The following GNL3L variants were observed in gnomAD, a reference collection of about 807,000 sequenced individuals.
GNL3L encodes the protein guanine nucleotide-binding protein-like 3-like protein.
GNL3L carries 4 observed loss-of-function variants against 42.9 expected under a neutral mutation model. The observed-to-expected ratio is 0.09, with a 90% confidence interval of 0.05 to 0.21. The LOEUF is 0.21. GNL3L is among the 10% of genes least tolerant of loss of function. The pLI, the probability that GNL3L is intolerant of heterozygous loss-of-function variation, is 1.00. For synonymous variants in GNL3L, 159 were observed against 176.3 expected, an observed-to-expected ratio of 0.90 and a Z score of 0.78; for missense variants, 412 against 481.7, an observed-to-expected ratio of 0.86 and a Z score of 1.36.
chrX:54,570,724 TTAG>T (rs1925532991), downstream of GNL3L, among the ~76,000 whole-genome samples: 1 of 111,329 alleles, frequency 9.0e-6, no homozygotes, highest in Non-Finnish European at 1.9e-5. Flanking sequence ...TTTTATTATC[TTAG>T]TAGTTGCTTT....
rs201728319 is a variant in GNL3L at position 54,541,367 on chromosome X, G to A, written c.284G>A (p.Arg95His). Residue 95 changes from arginine to histidine, a missense_variant, in exon 5 of 16, where the codon CGC becomes CAC. Coordinates refer to ENST00000360845, the MANE Select transcript of GNL3L (RefSeq NM_001184819.2). ...IESYCQDVLR[R>H]QEEFEHKEEV... ...AGCTACTGTCAGGATGTCCTAAGAC[G>A]CCAGGAGGAGTTTGAGCATAAGGTA... The A allele has an allele frequency of 8.4e-6, 10 of 1,188,255 alleles. No homozygotes were observed. Among genetic ancestry groups the A allele is most frequent in the South Asian group, 1.8e-5 (1 of 56,323 alleles).
chrX:54,636,214 G>T, the GNL3L span, among the ~76,000 whole-genome samples: 2 of 111,913 alleles, frequency 1.8e-5, no homozygotes, highest in Non-Finnish European at 3.8e-5. Context: ...ATGCAAATAA[G>T]GTCTGCTCTG....
chrX:54,604,708 G>A (rs1382503619), intron 16 of GNL3L, among the ~76,000 whole-genome samples: 1 of 111,877 alleles, frequency 8.9e-6, no homozygotes, highest in Non-Finnish European at 1.9e-5. Flanking sequence ...CAGCTATATA[G>A]TATGAACAGC....
At chrX:54,584,692 A>G (rs1337275125) in intron 16 of GNL3L, among the ~76,000 whole-genome samples, 2 of 113,003 alleles carry the variant, frequency 1.8e-5, no homozygotes, top group African/African-American at 6.4e-5. Context: ...TTTCCTTTGA[A>G]TGTATACCCA....
intron 16 of GNL3L, among the ~76,000 whole-genome samples, chrX:54,608,949 G>C (rs917823306): frequency 8.9e-6 from 1 of 111,991 alleles, no homozygotes; most frequent in Non-Finnish European, 1.9e-5. Context: ...CATAGTGGCT[G>C]TACTAGTTTA....
chrX:54,536,800 CAGAG>C (rs1301600708), intron 2 of GNL3L, among the ~76,000 whole-genome samples: 3 of 47,652 alleles, frequency 6.3e-5, no homozygotes, highest in East Asian at 5.3e-4. Context: ...AAAAAAAAAA[CAGAG>C]AGAGAGAGGG....
At chrX:54,622,657 C>T (rs2147541997), downstream of GNL3L, among the ~76,000 whole-genome samples, 1 of 110,919 alleles carries the variant, frequency 9.0e-6, no homozygotes, top group African/African-American at 3.3e-5. Flanking sequence ...TATTTTCTTC[C>T]ATTCTGTGAG....
At chrX:54,622,833 A>G (rs1180192636), downstream of GNL3L, among the ~76,000 whole-genome samples, 10 of 111,328 alleles carry the variant, frequency 9.0e-5, no homozygotes, top group Admixed American at 7.6e-4. Flanking sequence ...TATTTTCCTA[A>G]GGGTTTTATG....
Position 54,579,993 on chromosome X carries a change from T to G in GNL3L, c.*45+19346T>G, listed in dbSNP as rs1469221554. The stretch of plus-strand genomic sequence containing the variant: ...GTGCCTGGCCTAAAGTTTGTTTTTT[T>G]TTTTTTTTTTTTTTTTTTTTATACT... On this transcript the variant is annotated intron_variant, in intron 16 of 16. Transcript: ENST00000674498. 3.5e-4 allele frequency among the ~76,000 whole-genome samples: 33 copies of G among 94,595 alleles called. No homozygotes were observed. In the East Asian group the frequency reaches 6.3e-3, roughly 18 times the overall value. 82.1% of individuals were successfully genotyped at this position (94,595 alleles called of 115,157 possible). A position where few individuals can be genotyped will look rare whatever the true frequency, so the allele number is the denominator to read the frequency against.
intron 5 of GNL3L, among the ~76,000 whole-genome samples, chrX:54,542,121 A>T (rs1924640086): frequency 1.8e-5 from 2 of 111,966 alleles, no homozygotes; most frequent in Admixed American, 9.5e-5. Context: ...TTTTACTTTA[A>T]GTTCTAGGGT....
Position 54,541,510 on chromosome X carries a change from T to C in GNL3L, c.306+121T>C. 3 of 423,315 alleles carry C rather than the reference T, an allele frequency of 7.1e-6. No individual in the cohort carries two copies. In the South Asian group the frequency reaches 1.1e-4, roughly 15 times the overall value. The allele number at this position is 423,315 out of a possible 1,213,427, so 34.9% of individuals were successfully genotyped here. On this transcript the variant is annotated intron_variant, in intron 5 of 15. Coordinates refer to ENST00000360845, the MANE Select transcript of GNL3L (RefSeq NM_001184819.2). ...AACAAGGGAATCAGTGTAGAGAGGA[T>C]AGAAAACCATGGGGACGGACGAAGG...
At position 54,607,004 on chromosome X, in the gene GNL3L, C is replaced by CTTTCTTTCTA. The variant is rs1926074259; in HGVS notation, c.*46-13832_*46-13831insATTTCTTTCT. Among the ~76,000 whole-genome samples, 2 of 16,897 alleles carry CTTTCTTTCTA rather than the reference C, an allele frequency of 1.2e-4. 1 individual carries two copies. The allele number at this position is 16,897 out of a possible 115,157, so 14.7% of individuals were successfully genotyped here. A position where few individuals can be genotyped will look rare whatever the true frequency, so the allele number is the denominator to read the frequency against. Reference sequence around the variant, plus strand: ...TTCTTTCCTTTCCTTTCCTTTCTTTCTTTCTTTCTTTCTTTCTTTCTTTCT... The same window carrying CTTTCTTTCTA: ...TTCTTTCCTTTCCTTTCCTTTCTTTCTTTCTTTCTATTTCTTTCTTTCTTTCTTTCTTTCT... On this transcript the variant is annotated intron_variant, in intron 16 of 16. Coordinates refer to the GNL3L transcript ENST00000674498.
chrX:54,611,460 A>G (rs5961103), intron 16 of GNL3L, among the ~76,000 whole-genome samples: 148 of 110,745 alleles, frequency 1.3e-3, no homozygotes, highest in African/African-American at 4.0e-3. Context: ...TTTGTGCTCT[A>G]TCAGTCTTTT....
At chrX:54,620,321 A>G (rs1175782186) in intron 16 of GNL3L, among the ~76,000 whole-genome samples, 1 of 110,374 alleles carries the variant, frequency 9.1e-6, no homozygotes, top group African/African-American at 3.3e-5. Context: ...AACCATCCTT[A>G]TACTCTCTAT....
chrX:54,572,694 C>G (rs1394180436), intron 16 of GNL3L, among the ~76,000 whole-genome samples: 6 of 110,037 alleles, frequency 5.5e-5, no homozygotes, highest in Non-Finnish European at 1.1e-4. Context: ...TGACCCCCCC[C>G]ACCTCCCTCC....
chrX:54,546,081 G>A (rs1320393051), intron 8 of GNL3L, among the ~76,000 whole-genome samples: 1 of 112,108 alleles, frequency 8.9e-6, no homozygotes, highest in African/African-American at 3.2e-5. Context: ...GGCTGGTCTT[G>A]AACTCCTGGC....
chrX:54,573,162 G>A lies in GNL3L; in HGVS notation c.*45+12515G>A, dbSNP rs757178451. ...ACGGGGTGGCGGCCGGGCAGAGGCT[G>A]CAATCTCGGCACTTTGGGAGGCCAA... is the stretch of plus-strand genomic sequence containing the variant. On this transcript the variant is annotated intron_variant, in intron 16 of 16. Transcript: ENST00000674498. Among the ~76,000 whole-genome samples, 3 of 112,423 alleles carry A rather than the reference G, an allele frequency of 2.7e-5. No homozygotes were observed. The South Asian group carries it at 1.1e-3, about 41-fold the overall frequency.
intron 16 of GNL3L, among the ~76,000 whole-genome samples, chrX:54,597,168 G>C (rs1486150080): frequency 9.0e-6 from 1 of 111,645 alleles, no homozygotes; most frequent in Non-Finnish European, 1.9e-5. Flanking sequence ...AAGCCAGCAA[G>C]TCTCAGAGTC....
chrX:54,548,887 T>C (rs67522520), intron 9 of GNL3L, among the ~76,000 whole-genome samples: 14,388 of 110,564 alleles, frequency 0.13, 1,410 homozygotes, highest in African/African-American at 0.34. Context: ...GGTATAGGTA[T>C]GCATACCAGG....
Sources: allele counts gnomAD v4.1 joint callset (sites outside exome capture counted in the v4.1 genomes callset), GRCh38; gene constraint gnomAD v4.1.1; transcripts MANE v1.5; gene names NCBI Gene and HGNC (gene_info 2026-07-23, HGNC 2026-07-21).